EYS: variants seen among roughly 807,000 people sequenced by gnomAD.
EYS encodes protein eyes shut homolog.
In EYS, 250 loss-of-function variants were observed where a neutral mutation model predicts 282.1. That is an observed-to-expected ratio of 0.89 (90% CI 0.80 to 0.98). The LOEUF (loss-of-function observed/expected upper bound fraction) is 0.98, where lower values mean the gene tolerates loss of function less well. Among genes scored for constraint, EYS ranks in the 50% least tolerant of loss-of-function variants. The pLI, the probability that EYS is intolerant of heterozygous loss-of-function variation, is 0.00. For synonymous variants in EYS, 1,355 were observed against 1,282.9 expected, an observed-to-expected ratio of 1.06 and a Z score of -1.20; for missense variants, 4,016 against 3,709.0, an observed-to-expected ratio of 1.08 and a Z score of -2.15.
At chr6:64,112,571 A>G (rs79555830) in intron 31 of EYS, among the ~76,000 whole-genome samples, 10,046 of 151,742 alleles carry the variant, frequency 0.066, 999 homozygotes, top group African/African-American at 0.22. Flanking sequence ...CCTCCTAACC[A>G]CAACATTATA....
At chr6:65,525,814 T>C (rs1414738504) in intron 2 of EYS, among the ~76,000 whole-genome samples, 3 of 152,214 alleles carry the variant, frequency 2.0e-5, no homozygotes, top group Admixed American at 6.5e-5. Context: ...GTCTTGATTG[T>C]TTTGGAATTT....
intron 18 of EYS, among the ~76,000 whole-genome samples, chr6:64,896,703 T>C (rs903031518): frequency 2.6e-5 from 4 of 152,054 alleles, no homozygotes; most frequent in Non-Finnish European, 4.4e-5. Context: ...TCCACTGGCT[T>C]GAAATTCTCA....
chr6:64,109,605 G>A (rs1323955316), intron 31 of EYS, among the ~76,000 whole-genome samples: 2 of 152,052 alleles, frequency 1.3e-5, no homozygotes, highest in Admixed American at 1.3e-4. Context: ...ATAACCACAT[G>A]AGTATACTAT....
At chr6:65,683,842 C>T (rs1768914782) in intron 1 of EYS, among the ~76,000 whole-genome samples, 1 of 152,032 alleles carries the variant, frequency 6.6e-6, no homozygotes, top group East Asian at 1.9e-4. Flanking sequence ...CTGAATGTAT[C>T]CACTCCCTCT....
At chr6:65,114,964 A>G (rs1293721960) in intron 12 of EYS, among the ~76,000 whole-genome samples, 1 of 152,002 alleles carries the variant, frequency 6.6e-6, no homozygotes, top group Non-Finnish European at 1.5e-5. Flanking sequence ...AGTTCATGTT[A>G]TCTTTTACCC....
chr6:65,364,503 T>C (rs1198543986), intron 8 of EYS, among the ~76,000 whole-genome samples: 1 of 149,380 alleles, frequency 6.7e-6, no homozygotes, highest in Non-Finnish European at 1.5e-5. Context: ...TTTTAATTCA[T>C]GGTCCTCATA....
intron 21 of EYS, 48 bp downstream of exon 21, chr6:64,821,597 T>G: frequency 9.7e-7 from 1 of 1,029,000 alleles, no homozygotes. Context: ...GATTTTTCTT[T>G]TAAATTAAAT....
chr6:65,310,649 C>T (rs1405372001), intron 11 of EYS, among the ~76,000 whole-genome samples: 1 of 152,164 alleles, frequency 6.6e-6, no homozygotes. Flanking sequence ...TCTCATTCTG[C>T]TACAGTCATC....
intron 36 of EYS, among the ~76,000 whole-genome samples, chr6:63,817,488 G>T (rs1317935443): frequency 6.6e-6 from 1 of 152,124 alleles, no homozygotes; most frequent in Non-Finnish European, 1.5e-5. Flanking sequence ...AACCAATCGC[G>T]GATGCAGCTA....
intron 8 of EYS, among the ~76,000 whole-genome samples, chr6:65,378,580 C>T (rs869298379): frequency 2.6e-5 from 4 of 152,114 alleles, no homozygotes; most frequent in Non-Finnish European, 5.9e-5. Flanking sequence ...AAGACACATG[C>T]ACACAAAAGT....
In EYS at chr6:65,312,004, T is replaced by C. The variant is rs193103629; in HGVS notation, c.1767-15885A>G. Among the ~76,000 whole-genome samples the C allele has an allele frequency of 2.0e-5, 3 of 152,242 alleles. No homozygotes were observed. In the East Asian group the frequency reaches 5.8e-4, roughly 29 times the overall value. On this transcript the variant is annotated intron_variant, in intron 11 of 42. Coordinates refer to ENST00000503581, the MANE Select transcript of EYS (RefSeq NM_001142800.2). The stretch of plus-strand genomic sequence containing the variant: ...GCTGGATATCATGTATTTTATCTGG[T>C]AAACATATATATAGGATATAGCCAG...
intron 2 of EYS, among the ~76,000 whole-genome samples, chr6:65,538,532 T>C (rs1393208215): frequency 6.6e-6 from 1 of 152,122 alleles, no homozygotes; most frequent in Non-Finnish European, 1.5e-5. Context: ...ACTTCCAGGT[T>C]CACCTTCCTA....
At chr6:65,260,011 G>A (rs140185554) in intron 12 of EYS, among the ~76,000 whole-genome samples, 121 of 152,084 alleles carry the variant, frequency 8.0e-4, no homozygotes, top group Middle Eastern at 3.4e-3. Context: ...GCCTGAGACC[G>A]GGTAATTTGT....
At chr6:63,829,442 C>T (rs55802833) in intron 36 of EYS, among the ~76,000 whole-genome samples, 18,312 of 152,178 alleles carry the variant, frequency 0.12, 1,337 homozygotes, top group African/African-American at 0.19. Context: ...GAGGGTCCCA[C>T]GCCCACAGAG....
chr6:64,373,280 G>T (rs1772445732), intron 29 of EYS, among the ~76,000 whole-genome samples: 1 of 152,104 alleles, frequency 6.6e-6, no homozygotes, highest in Admixed American at 6.6e-5. Flanking sequence ...TTATGGTATA[G>T]GTGTGCTTGG....
At chr6:64,091,502 G>C (rs967101940) in intron 31 of EYS, among the ~76,000 whole-genome samples, 17 of 152,080 alleles carry the variant, frequency 1.1e-4, no homozygotes, top group African/African-American at 3.6e-4. Flanking sequence ...TGCAAAATAT[G>C]TTTGCAGAGT....
At chr6:64,809,355 C>A (rs186029816) in intron 22 of EYS, among the ~76,000 whole-genome samples, 29 of 151,944 alleles carry the variant, frequency 1.9e-4, no homozygotes, top group Non-Finnish European at 3.2e-4. Context: ...GTGGGCGTTA[C>A]ATTTACGATG....
At chr6:63,928,026 GGT>G (rs1261113703) in intron 35 of EYS, among the ~76,000 whole-genome samples, 2 of 152,134 alleles carry the variant, frequency 1.3e-5, no homozygotes, top group African/African-American at 4.8e-5. Context: ...AAAAAGCATT[GGT>G]TTCCGATGAG....
At chr6:65,647,723 G>C (rs1767501117) in intron 1 of EYS, among the ~76,000 whole-genome samples, 1 of 152,142 alleles carries the variant, frequency 6.6e-6, no homozygotes, top group Admixed American at 6.5e-5. Context: ...AATTAGCAGA[G>C]TTAACAGACA....
Sources: gnomAD v4.1 joint callset for allele counts (sites outside exome capture counted in the v4.1 genomes callset) on GRCh38, gnomAD v4.1.1 for gene constraint, MANE v1.5 for transcripts, NCBI Gene and HGNC (gene_info 2026-07-23, HGNC 2026-07-21) for gene names.